ATXN2: variants seen among roughly 807,000 people sequenced by gnomAD.
ATXN2 encodes the protein ataxin 2.
Under a neutral mutation model 138.6 loss-of-function variants are expected in ATXN2, and 37 were observed. That is an observed-to-expected ratio of 0.27 (90% CI 0.21 to 0.35). The LOEUF (loss-of-function observed/expected upper bound fraction) is 0.35. Ranked by LOEUF, ATXN2 falls within the 10% of genes least tolerant of loss-of-function variation. ATXN2 has a pLI of 1.00. For missense variants in ATXN2, 1,216 were observed against 1,480.3 expected (o/e 0.82, Z 2.93); for synonymous variants, 549 against 543.7 (o/e 1.01, Z -0.13).
At chr12:111,454,916 C>A (rs1309349953) in intron 23 of ATXN2, 3 of 642,930 alleles carry the variant, frequency 4.7e-6, no homozygotes, top group African/African-American at 1.8e-5. Context: ...CACGCTGGCC[C>A]ACACGGACCA....
chr12:111,464,247 GGTGTGTGTGTGTGTGTGTGTGTGT>G (rs57717176), intron 21 of ATXN2, among the ~76,000 whole-genome samples: 1 of 134,630 alleles, frequency 7.4e-6, no homozygotes, highest in Admixed American at 7.5e-5. Flanking sequence ...TGTGGCTTGG[GGTGTGTGTGTGTGTGTGTGTGTGT>G]GTGTGTGTGT....
intron 1 of ATXN2, among the ~76,000 whole-genome samples, chr12:111,570,596 A>C (rs1036273220): frequency 1.3e-5 from 2 of 152,170 alleles, no homozygotes; most frequent in South Asian, 2.1e-4. Flanking sequence ...CTTTAGCACA[A>C]ACTCTTCCCG....
intron 18 of ATXN2, 88 bp from the exon 19 acceptor site, chr12:111,470,830 T>C (rs1834059303): frequency 1.4e-6 from 2 of 1,414,100 alleles, no homozygotes; most frequent in African/African-American, 1.4e-5. Flanking sequence ...TCTGAATGAT[T>C]TGACCCTGAA....
intron 1 of ATXN2, among the ~76,000 whole-genome samples, chr12:111,569,817 T>C (rs553016571): frequency 1.7e-3 from 262 of 152,198 alleles, no homozygotes; most frequent in Non-Finnish European, 2.5e-3. Context: ...GGCTTGGTCA[T>C]GAAGCCATGA....
At chr12:111,581,742 G>C (rs533165642) in intron 1 of ATXN2, 10 of 630,250 alleles carry the variant, frequency 1.6e-5, no homozygotes, top group African/African-American at 1.8e-5. Flanking sequence ...ATTCTGCTCA[G>C]CATCATCCCA....
chr12:111,587,809 C>T (rs1266932466), intron 1 of ATXN2, among the ~76,000 whole-genome samples: 1 of 152,070 alleles, frequency 6.6e-6, no homozygotes, highest in Non-Finnish European at 1.5e-5. Context: ...AGCCTCATAC[C>T]ACAACTAATG....
intron 1 of ATXN2, chr12:111,581,510 G>A (rs567966932): frequency 3.1e-5 from 32 of 1,035,122 alleles, no homozygotes; most frequent in Non-Finnish European, 3.8e-5. Flanking sequence ...AATGTCCACC[G>A]TGATCCCCAT....
chr12:111,483,169 A>C (rs1877369774), intron 18 of ATXN2, among the ~76,000 whole-genome samples: 1 of 150,008 alleles, frequency 6.7e-6, no homozygotes, highest in Admixed American at 6.7e-5. Flanking sequence ...CCTCAGCAGC[A>C]AAGCAAGACC....
intron 14 of ATXN2, among the ~76,000 whole-genome samples, chr12:111,489,617 A>G (rs1016938349): frequency 6.6e-6 from 1 of 151,008 alleles, no homozygotes; most frequent in African/African-American, 2.4e-5. Flanking sequence ...GTCTCAAAAA[A>G]AAAAAAAAAG....
chr12:111,562,953 C>T (rs1322484632), intron 1 of ATXN2, among the ~76,000 whole-genome samples: 1 of 152,106 alleles, frequency 6.6e-6, no homozygotes, highest in African/African-American at 2.4e-5. Flanking sequence ...TTAGTAGACA[C>T]AACTCTAACC....
intron 10 of ATXN2, among the ~76,000 whole-genome samples, chr12:111,515,059 T>G (rs1592852071): frequency 6.6e-6 from 1 of 152,216 alleles, no homozygotes; most frequent in East Asian, 1.9e-4. Flanking sequence ...TTGCATTTAG[T>G]GACCACTATT....
chr12:111,453,910 G>A lies in ATXN2; in HGVS notation c.3271-65C>T. 1 of 1,511,322 alleles carries A rather than the reference G, an allele frequency of 6.6e-7. No homozygotes were observed. Among genetic ancestry groups the A allele is most frequent in the South Asian group, 1.3e-5 (1 of 78,364 alleles). 93.6% of individuals were successfully genotyped at this position (1,511,322 alleles called of 1,614,324 possible). A position where few individuals can be genotyped will look rare whatever the true frequency, so the allele number is the denominator to read the frequency against. On this transcript the variant is annotated intron_variant, in intron 23 of 24. Transcript: ENST00000673436. The surrounding 1 kb of genome is among the most constrained non-coding windows in gnomAD (Gnocchi z 5.4). ...CCGGCTTCAACAACATGTCAACTGT[G>A]TTCCTTTCACTGGGCTGGGACTCTC...
At chr12:111,510,082 T>C in intron 12 of ATXN2, 84 bp from the exon 13 acceptor site, 3 of 1,045,108 alleles carry the variant, frequency 2.9e-6, no homozygotes, top group South Asian at 3.0e-5. Flanking sequence ...TGATTTCCTA[T>C]GTTTTTGGAA....
At chr12:111,568,979 A>G (rs1883171295) in intron 1 of ATXN2, among the ~76,000 whole-genome samples, 1 of 139,074 alleles carries the variant, frequency 7.2e-6, no homozygotes, top group Non-Finnish European at 1.5e-5. Flanking sequence ...AAACACAGTG[A>G]AGCTAGAGTT....
chr12:111,591,575 GA>G (rs1884666848), intron 1 of ATXN2, among the ~76,000 whole-genome samples: 1 of 152,140 alleles, frequency 6.6e-6, no homozygotes, highest in South Asian at 2.1e-4. Flanking sequence ...TAAGACAGGA[GA>G]AATGCTTGGC....
At chr12:111,466,180 A>T (rs1327466176) in intron 20 of ATXN2, among the ~76,000 whole-genome samples, 3 of 143,656 alleles carry the variant, frequency 2.1e-5, no homozygotes. Context: ...ATTAAAAAAA[A>T]AATAAAAAAT....
chr12:111,587,030 T>G (rs759352583), intron 1 of ATXN2, among the ~76,000 whole-genome samples: 3 of 148,168 alleles, frequency 2.0e-5, no homozygotes, highest in Non-Finnish European at 4.4e-5. Flanking sequence ...AGCCCAGAAG[T>G]TGGAGGCCAG....
chr12:111,469,367 T>C (rs1233015025), intron 20 of ATXN2: 2 of 152,238 alleles, frequency 1.3e-5, no homozygotes, highest in Non-Finnish European at 2.9e-5. Context: ...GATATACAAA[T>C]GGACATTTTA....
rs75208015 is a variant in ATXN2 at position 111,582,172 on chromosome 12, T to C, written c.251+16612A>G. On this transcript the variant is annotated intron_variant, in intron 1 of 24. Coordinates refer to ENST00000673436, the MANE Select transcript of ATXN2 (RefSeq NM_001372574.1). ...AACAGTGAGACTGTCTCTACAAAAA[T>C]TTTTTTAAATTGTAGGGCGCAGACA... 8.8e-3 allele frequency among the ~76,000 whole-genome samples: 1,335 copies of C among 152,084 alleles called. 20 individuals carry two copies. The highest frequency in any genetic ancestry group is 0.031 in the African/African-American group (1,286 of 41,512).
Sources: gnomAD v4.1 joint callset for allele counts (sites outside exome capture counted in the v4.1 genomes callset) on GRCh38, gnomAD v4.1.1 for gene constraint, Gnocchi (gnomAD v3.1) non-coding constraint, MANE v1.5 for transcripts, NCBI Gene and HGNC (gene_info 2026-07-23, HGNC 2026-07-21) for gene names.